Variants in TM2D3 observed in about 807,000 individuals in gnomAD.
TM2D3 encodes the protein TM2 domain containing 3.
Under a neutral mutation model 27.3 loss-of-function variants are expected in TM2D3, and 33 were observed. The ratio of observed to expected loss-of-function variants is 1.21; its 90% CI spans 0.92 to 1.61. TM2D3 has a LOEUF of 1.61. Ranked by LOEUF, TM2D3 falls within the 40% of genes most tolerant of loss-of-function variation. TM2D3 has a pLI of 0.00. For missense variants in TM2D3, 364 were observed against 320.8 expected (o/e 1.13, Z -1.03); for synonymous variants, 138 against 122.2 (o/e 1.13, Z -0.85).
chr15:101,648,450 A>C (rs935156226), intron 3 of TM2D3: 1 of 152,362 alleles, frequency 6.6e-6, no homozygotes, highest in African/African-American at 2.4e-5. Flanking sequence ...TGATGTGCTT[A>C]AAACACACTT....
At chr15:101,641,543 TTTAAAAAGCAG>T (rs1355526403), downstream of TM2D3, among the ~76,000 whole-genome samples, 3 of 152,224 alleles carry the variant, frequency 2.0e-5, no homozygotes. Flanking sequence ...CACACAAGTG[TTTAAAAAGCAG>T]TAACTCAGAT....
chr15:101,645,274 G>A (rs948082088), intron 4 of TM2D3, 112 bp from the exon 5 acceptor site: 16 of 841,988 alleles, frequency 1.9e-5, no homozygotes, highest in Admixed American at 5.2e-5. Context: ...CTCTCTTTAC[G>A]GTAATACATG....
downstream of TM2D3, among the ~76,000 whole-genome samples, chr15:101,639,180 A>G (rs2141358302): frequency 6.6e-6 from 1 of 152,358 alleles, no homozygotes; most frequent in East Asian, 1.9e-4. Flanking sequence ...CACTACAGTT[A>G]TCATATTATA....
At position 101,642,454 on chromosome 15, in the gene TM2D3, C is replaced by T. The variant is rs768125013; in HGVS notation, c.*25G>A. On this transcript the variant is annotated 3_prime_UTR_variant, in exon 6 of 6. Transcript: ENST00000333202. ...ACAAAAGGGCTTTTTCTAAGCCCTGCTCCTTTCTGAAGCACACACCACAGC... is the reference window on the plus strand; with the variant it reads ...ACAAAAGGGCTTTTTCTAAGCCCTGTTCCTTTCTGAAGCACACACCACAGC... 3 of 1,582,780 alleles carry T rather than the reference C, an allele frequency of 1.9e-6. No individual in the cohort carries two copies. The highest frequency in any genetic ancestry group is 1.1e-5 in the South Asian group (1 of 87,582).
chr15:101,637,747 A>AT (rs1194983354), downstream of TM2D3, among the ~76,000 whole-genome samples: 14 of 151,948 alleles, frequency 9.2e-5, no homozygotes, highest in South Asian at 4.2e-4. Flanking sequence ...ATTTTTATTT[A>AT]TTTTTTTTAG....
Position 101,644,628 on chromosome 15 carries a change from G to C in TM2D3, c.578+459C>G, listed in dbSNP as rs1035491542. On this transcript the variant is annotated intron_variant, in intron 5 of 5. Transcript: ENST00000333202. The stretch of plus-strand genomic sequence containing the variant: ...CTATAATTTCTTAAAGTACTGTTGA[G>C]AAGTTTAACAAACAGCACATTTCTA... Among the ~76,000 whole-genome samples the C allele has an allele frequency of 3.9e-5, 6 of 152,170 alleles. No homozygotes were observed. The East Asian group carries it at 1.2e-3, about 29-fold the overall frequency.
intron 2 of TM2D3, 125 bp downstream of exon 2, chr15:101,651,571 C>T (rs1346661745): frequency 9.2e-6 from 9 of 976,906 alleles, no homozygotes; most frequent in Non-Finnish European, 1.4e-5. Flanking sequence ...TTCACATAAT[C>T]TAAAATACAA....
chr15:101,643,711 G>A, intron 5 of TM2D3, among the ~76,000 whole-genome samples: 1 of 147,980 alleles, frequency 6.8e-6, no homozygotes, highest in Non-Finnish European at 1.5e-5. Context: ...GGTTAACAAT[G>A]TAGGGAAACC....
chr15:101,649,884 G>C, intron 3 of TM2D3, 120 bp downstream of exon 3: 7 of 970,744 alleles, frequency 7.2e-6, no homozygotes, highest in Non-Finnish European at 9.1e-6. Context: ...ACTCAAAAGG[G>C]AAATCATAAA....
At position 101,645,068 on chromosome 15, in the gene TM2D3, T is replaced by C; in HGVS notation, c.578+19A>G. ...AGAAATGCAAACGGCCTTTTACACT[T>C]ACGAGTAACAAGGCTTACCTTAGAG... On this transcript the variant is annotated intron_variant, in intron 5 of 5. Coordinates refer to ENST00000333202, the MANE Select transcript of TM2D3 (RefSeq NM_078474.3). 6.2e-7 allele frequency: 1 copy of C among 1,608,500 alleles called. No individual in the cohort carries two copies. Among genetic ancestry groups the C allele is most frequent in the Non-Finnish European group, 8.5e-7 (1 of 1,176,134 alleles).
At chr15:101,638,439 C>G (rs561399853), downstream of TM2D3, among the ~76,000 whole-genome samples, 1 of 152,154 alleles carries the variant, frequency 6.6e-6, no homozygotes, top group South Asian at 2.1e-4. Flanking sequence ...GGATTACAGG[C>G]ACCTGCCACC....
chr15:101,642,489 A>C lies in TM2D3; in HGVS notation c.734T>G (p.Leu245Trp). 1.9e-6 allele frequency: 3 copies of C among 1,611,784 alleles called. No individual in the cohort carries two copies. Among genetic ancestry groups the C allele is most frequent in the Non-Finnish European group, 2.5e-6 (3 of 1,178,752 alleles). ...VGYVGPADGS[L>W]YI ...AAGCACACACCACAGCTAAATGTAC[A>C]AAGAGCCATCTGCTGGTCCAACATA... Residue 245 changes from leucine to tryptophan, a missense_variant, in exon 6 of 6, where the codon TTG becomes TGG. Transcript: ENST00000333202.
In TM2D3 at chr15:101,651,689, C is replaced by A. The variant is rs745950240; in HGVS notation, c.169+7G>T. 42 of 1,613,796 alleles carry A rather than the reference C, an allele frequency of 2.6e-5. No individual in the cohort carries two copies. The East Asian group carries it at 9.4e-4, about 36-fold the overall frequency. On this transcript the variant is annotated splice_region_variant and intron_variant, in intron 2 of 5. Coordinates refer to ENST00000333202, the MANE Select transcript of TM2D3 (RefSeq NM_078474.3). ...ATGTATTTACTAGAATAGAAAACGTCTAGTACCTGCTGCCCTGGGAACTAC... is the reference window on the plus strand; with the variant it reads ...ATGTATTTACTAGAATAGAAAACGTATAGTACCTGCTGCCCTGGGAACTAC...
intron 3 of TM2D3, 138 bp downstream of exon 3, chr15:101,649,866 G>T: frequency 1.2e-6 from 1 of 806,414 alleles, no homozygotes; most frequent in Non-Finnish European, 1.9e-6. Context: ...ATTTATTTCT[G>T]CTTACATACT....
At chr15:101,650,930 A>C (rs1246816670) in intron 2 of TM2D3, 1 of 152,230 alleles carries the variant, frequency 6.6e-6, no homozygotes, top group African/African-American at 2.4e-5. Flanking sequence ...TTAAAATTCA[A>C]GTGCACTGCT....
At chr15:101,651,990 C>G in intron 1 of TM2D3, 2 of 596,748 alleles carry the variant, frequency 3.4e-6, no homozygotes, top group Non-Finnish European at 5.9e-6. Flanking sequence ...AGGATGACAT[C>G]GCGCTCCAGT....
intron 4 of TM2D3, 110 bp downstream of exon 4, chr15:101,646,615 G>C: frequency 8.5e-7 from 1 of 1,183,032 alleles, no homozygotes; most frequent in Admixed American, 1.9e-5. Context: ...AAGAGCTGCT[G>C]ATAAATGTTT....
chr15:101,651,152 G>A (rs1896956460), intron 2 of TM2D3: 1 of 153,126 alleles, frequency 6.5e-6, no homozygotes, highest in Non-Finnish European at 1.5e-5. Flanking sequence ...TGGCTGGAAG[G>A]TGGACACTTA....
chr15:101,645,197 T>C, intron 4 of TM2D3, 35 bp from the exon 5 acceptor site: 1 of 1,511,780 alleles, frequency 6.6e-7, no homozygotes, highest in Non-Finnish European at 9.0e-7. Context: ...ATACAGGGTA[T>C]AAAAAATACT....
Sources: allele counts gnomAD v4.1 joint callset (sites outside exome capture counted in the v4.1 genomes callset), GRCh38; gene constraint gnomAD v4.1.1; transcripts MANE v1.5; gene names NCBI Gene and HGNC (gene_info 2026-07-23, HGNC 2026-07-21).